ATRNL1: variants seen among roughly 807,000 people sequenced by gnomAD.
The protein encoded by ATRNL1 is attractin like 1, also known as attractin-like protein 1.
In ATRNL1, 95 loss-of-function variants were observed where a neutral mutation model predicts 182.7. The observed-to-expected ratio is 0.52, with a 90% CI of 0.44 to 0.62. The LOEUF (loss-of-function observed/expected upper bound fraction) is 0.62. ATRNL1 is among the 20% of genes least tolerant of loss of function. The pLI is 0.00. For synonymous variants in ATRNL1, 576 were observed against 568.3 expected (o/e 1.01, Z -0.19); for missense variants, 1,471 against 1,679.5 (o/e 0.88, Z 2.17).
intron 15 of ATRNL1, among the ~76,000 whole-genome samples, chr10:115,296,887 A>G (rs1324602456): frequency 6.6e-6 from 1 of 152,236 alleles, no homozygotes; most frequent in Non-Finnish European, 1.5e-5. Context: ...CAGAGATCAA[A>G]AGACAATTGC....
intron 9 of ATRNL1, among the ~76,000 whole-genome samples, chr10:115,232,574 A>T (rs1335513317): frequency 6.6e-6 from 1 of 152,112 alleles, no homozygotes; most frequent in African/African-American, 2.4e-5. Flanking sequence ...AGAAGTTGTC[A>T]GTATTTTATG....
At chr10:115,397,823 A>G (rs1235209008) in intron 20 of ATRNL1, among the ~76,000 whole-genome samples, 2 of 152,000 alleles carry the variant, frequency 1.3e-5, no homozygotes, top group Non-Finnish European at 2.9e-5. Flanking sequence ...TGAAAGGGGA[A>G]AAAGCTGGAT....
intron 27 of ATRNL1, among the ~76,000 whole-genome samples, chr10:115,745,439 C>A (rs562564537): frequency 2.5e-4 from 38 of 152,178 alleles, no homozygotes; most frequent in African/African-American, 8.4e-4. Flanking sequence ...TTAATGTTTG[C>A]ATACAGGTCT....
intron 27 of ATRNL1, among the ~76,000 whole-genome samples, chr10:115,827,036 A>G (rs1555092205): frequency 6.6e-6 from 1 of 152,144 alleles, no homozygotes; most frequent in Non-Finnish European, 1.5e-5. Context: ...AAAAAGCTAC[A>G]TATTATCAAA....
chr10:115,149,983 G>C (rs1044040827), intron 5 of ATRNL1, among the ~76,000 whole-genome samples: 1 of 149,288 alleles, frequency 6.7e-6, no homozygotes, highest in African/African-American at 2.5e-5. Context: ...ACTTTCCTTT[G>C]TTGGGAGACT....
intron 26 of ATRNL1, among the ~76,000 whole-genome samples, chr10:115,713,678 TATCTATCTATCTATCTATCTATCTATC>T (rs1201308420): frequency 5.2e-4 from 31 of 59,672 alleles, no homozygotes; most frequent in Admixed American, 2.2e-3. Context: ...TTCTGTTTTC[TATCTATCTATCTATCTATCTATCTATC>T]ATCTATCTAT....
chr10:115,212,329 G>A (rs556767391), intron 8 of ATRNL1, among the ~76,000 whole-genome samples: 1 of 140,484 alleles, frequency 7.1e-6, no homozygotes, highest in Non-Finnish European at 1.5e-5. Flanking sequence ...AGATATTTTT[G>A]TTTGTTTCAA....
Position 115,093,685 on chromosome 10 carries a change from T to A in ATRNL1, c.-66T>A. ...CGGAGAGGTTTTCTGCGGCCGGAAT[T>A]CCCTTCAACAGCATCCCTGTCGGCG... On this transcript the variant is annotated 5_prime_UTR_variant, in exon 1 of 29. Transcript: ENST00000355044. This position sits in a 1 kb window ranked among gnomAD's most constrained non-coding sequence, Gnocchi z 6.1. The A allele has an allele frequency of 7.0e-7, 1 of 1,425,904 alleles. No individual in the cohort carries two copies. The highest frequency in any genetic ancestry group is 9.3e-7 in the Non-Finnish European group (1 of 1,077,170). 88.3% of individuals were successfully genotyped at this position (1,425,904 alleles called of 1,614,324 possible).
intron 28 of ATRNL1, among the ~76,000 whole-genome samples, chr10:115,935,527 T>C (rs1953529740): frequency 6.6e-6 from 1 of 152,182 alleles, no homozygotes; most frequent in Admixed American, 6.5e-5. Flanking sequence ...GCTTCCTTCT[T>C]ATGGCTGCAA....
intron 26 of ATRNL1, among the ~76,000 whole-genome samples, chr10:115,569,776 CTTTTT>C (rs10581276): frequency 0.3 from 44,981 of 150,196 alleles, 7,810 homozygotes; most frequent in East Asian, 0.68. Flanking sequence ...TCTTTAAATA[CTTTTT>C]TTTTTTTTTT....
At chr10:115,796,316 G>A (rs1949653095) in intron 27 of ATRNL1, among the ~76,000 whole-genome samples, 1 of 151,970 alleles carries the variant, frequency 6.6e-6, no homozygotes. Context: ...TCTGATGCGT[G>A]TTCTGGCACA....
rs572305760 is a variant in ATRNL1, at chr10:115,318,623, T to C, written c.3037+2887T>C. Among the ~76,000 whole-genome samples the C allele has an allele frequency of 4.6e-5, 7 of 152,104 alleles. 1 individual carries two copies. Among genetic ancestry groups the C allele is most frequent in the African/African-American group, 1.7e-4 (7 of 41,544 alleles). ...TTTCTGGTTTAGTCTTGGGAGGGTG[T>C]GTGTATGTGTCCAGGAACTTATCCA... is the stretch of plus-strand genomic sequence containing the variant. On this transcript the variant is annotated intron_variant, in intron 18 of 28. Transcript: ENST00000355044.
chr10:115,847,955 C>T lies in ATRNL1; in HGVS notation c.3982C>T (p.Arg1328Ter). The T allele has an allele frequency of 3.1e-6, 5 of 1,611,968 alleles. No individual in the cohort carries two copies. The highest frequency in any genetic ancestry group is 1.7e-4 in the Middle Eastern group (1 of 6,054). The change falls in exon 28 of 29, where the codon CGA becomes TGA. Residue 1328 changes from arginine (R) to a stop codon, truncating the protein, a stop_gained. Transcript: ENST00000355044. LOFTEE classifies it high-confidence loss of function. ...TCTGACTGTGTTTCTTTGTCTACCACGAGGATCATCAGGTGCCCCTCCCCC... is the reference window on the plus strand; with the variant it reads ...TCTGACTGTGTTTCTTTGTCTACCATGAGGATCATCAGGTGCCCCTCCCCC... ...AVLTVFLCLP[R>*]GSSGAPPPGQ...
intron 19 of ATRNL1, among the ~76,000 whole-genome samples, chr10:115,340,471 C>CT (rs1197538123): frequency 0.031 from 2,784 of 89,426 alleles, 106 homozygotes; most frequent in South Asian, 0.055. Flanking sequence ...CTTTTCTTTT[C>CT]TTTTCTTTTT....
chr10:115,811,303 T>C (rs560975354), intron 27 of ATRNL1, among the ~76,000 whole-genome samples: 14 of 152,126 alleles, frequency 9.2e-5, no homozygotes, highest in East Asian at 7.7e-4. Flanking sequence ...AATTTATTTT[T>C]AGTTTATTTC....
chr10:115,694,882 G>GTT (rs35787777), intron 26 of ATRNL1, among the ~76,000 whole-genome samples: 49 of 141,724 alleles, frequency 3.5e-4, no homozygotes, highest in African/African-American at 1.3e-3. Flanking sequence ...TATTTTTCCT[G>GTT]TTTTTTTTTT....
At chr10:115,094,174 C>G in intron 1 of ATRNL1, 131 bp downstream of exon 1, 1 of 994,116 alleles carries the variant, frequency 1.0e-6, no homozygotes, top group Non-Finnish European at 1.3e-6. Context: ...AACCTCAGCG[C>G]GCGGCGGGAG....
chr10:115,919,260 G>GTTAACAAGAGAA (rs1412804492), intron 28 of ATRNL1, among the ~76,000 whole-genome samples: 1 of 152,190 alleles, frequency 6.6e-6, no homozygotes, highest in African/African-American at 2.4e-5. Flanking sequence ...AAGTAAGTAA[G>GTTAACAAGAGAA]TTAACAAGAG....
intron 27 of ATRNL1, among the ~76,000 whole-genome samples, chr10:115,727,901 A>G (rs1947649471): frequency 6.6e-6 from 1 of 152,082 alleles, no homozygotes; most frequent in African/African-American, 2.4e-5. Context: ...GATGAAACAG[A>G]AATCATTATA....
Sources: allele counts gnomAD v4.1 joint callset (sites outside exome capture counted in the v4.1 genomes callset), GRCh38; gene constraint gnomAD v4.1.1; non-coding constraint Gnocchi (gnomAD v3.1); transcripts MANE v1.5; gene names NCBI Gene and HGNC (gene_info 2026-07-23, HGNC 2026-07-21).